Variants in IL13 observed in about 807,000 individuals in gnomAD.
IL13 encodes interleukin-13.
A neutral mutation model predicts 11.1 loss-of-function variants in IL13; 9 were observed. The ratio of observed to expected loss-of-function variants is 0.81; its 90% CI spans 0.49 to 1.42. The LOEUF (loss-of-function observed/expected upper bound fraction) is 1.42. Among genes scored for constraint, IL13 ranks in the 40% most tolerant of loss-of-function variants. The probability of loss-of-function intolerance (pLI) is 0.00; values close to 1 mark genes in which losing one functional copy is unlikely to be tolerated. For synonymous variants in IL13, 75 were observed against 76.9 expected (o/e 0.97, Z 0.13); for missense variants, 181 against 182.5 (o/e 0.99, Z 0.05).
rs770488630 is a variant in IL13 at position 132,658,217 on chromosome 5, G to T, written c.31G>T (p.Ala11Ser). MHPLLNPLLLALGLMALLLTT... is the reference protein window; with the variant it reads MHPLLNPLLLSLGLMALLLTT... ...TCCGCTCCTCAATCCTCTCCTGTTG[G>T]CACTGGGCCTCATGGCGCTTTTGTT... Residue 11 changes from alanine to serine, a missense_variant, in exon 1 of 4, where the codon GCA (alanine) becomes TCA (serine). By Grantham distance (99) the Ala-to-Ser change is moderately conservative. Coordinates refer to ENST00000304506, the MANE Select transcript of IL13 (RefSeq NM_002188.3). 12 of 1,612,144 alleles carry T rather than the reference G, an allele frequency of 7.4e-6. No homozygotes were observed. The East Asian group carries it at 1.6e-4, about 21-fold the overall frequency.
At position 132,659,979 on chromosome 5, in the gene IL13, A is replaced by AG; in HGVS notation, c.333+153dup. 1 of 1,438,802 alleles carries AG rather than the reference A, an allele frequency of 7.0e-7. No individual in the cohort carries two copies. Among genetic ancestry groups the AG allele is most frequent in the South Asian group, 1.4e-5 (1 of 71,720 alleles). The allele number at this position is 1,438,802 out of a possible 1,614,324, so 89.1% of individuals were successfully genotyped here. ...CAGGGACGTGGCCTTCGGGATTTAC[A>AG]GGATCTGGGCTCAAGGGCTCCTAAC... On this transcript the variant is annotated intron_variant, in intron 3 of 3. Coordinates refer to ENST00000304506, the MANE Select transcript of IL13 (RefSeq NM_002188.3). The surrounding 1 kb of genome is among the most constrained non-coding windows in gnomAD (Gnocchi z 4.1).
chr5:132,657,416 C>G (rs564965877), upstream of IL13, among the ~76,000 whole-genome samples: 1 of 152,284 alleles, frequency 6.6e-6, no homozygotes, highest in South Asian at 2.1e-4. Context: ...ACTCTGGAAG[C>G]TGAGGTGGGG....
In IL13 at chr5:132,659,662, G is replaced by A; in HGVS notation, c.229-62G>A. ...CCAGGCATCTCAGCCCCATCTTCCT[G>A]CAGACTCACAAAAGGCAGCTGCCCA... On this transcript the variant is annotated intron_variant, in intron 2 of 3. Transcript: ENST00000304506. The surrounding 1 kb of genome is among the most constrained non-coding windows in gnomAD (Gnocchi z 4.1). The A allele has an allele frequency of 6.2e-7, 1 of 1,601,534 alleles. No homozygotes were observed. The highest frequency in any genetic ancestry group is 2.2e-5 in the East Asian group (1 of 44,578).
Position 132,659,720 on chromosome 5 carries a change from A to T in IL13, c.229-4A>T. ...CCTGACCCCTCGGTGTCCCCTCCCC[A>T]CAGTACTGTGCAGCCCTGGAATCCC... On this transcript the variant is annotated splice_polypyrimidine_tract_variant and splice_region_variant and intron_variant, in intron 2 of 3. Coordinates refer to ENST00000304506, the MANE Select transcript of IL13 (RefSeq NM_002188.3). The surrounding 1 kb of genome is among the most constrained non-coding windows in gnomAD (Gnocchi z 4.1). The T allele has an allele frequency of 6.2e-7, 1 of 1,613,160 alleles. No individual in the cohort carries two copies. Among genetic ancestry groups the T allele is most frequent in the Non-Finnish European group, 8.5e-7 (1 of 1,179,784 alleles).
In IL13 at chr5:132,659,755, T is replaced by G. The variant is rs199513811; in HGVS notation, c.260T>G (p.Val87Gly). 6.6e-5 allele frequency: 107 copies of G among 1,613,792 alleles called. No individual in the cohort carries two copies. The highest frequency in any genetic ancestry group is 8.6e-5 in the Non-Finnish European group (101 of 1,180,018). ...GCAGCCCTGGAATCCCTGATCAACG[T>G]GTCAGGCTGCAGTGCCATCGAGAAG... is the stretch of plus-strand genomic sequence containing the variant. Reference protein sequence around the residue: ...YCAALESLINVSGCSAIEKTQ... With the variant: ...YCAALESLINGSGCSAIEKTQ... The change falls in exon 3 of 4, where the codon GTG becomes GGG. Residue 87 changes from valine to glycine, a missense_variant. Val to Gly is a moderately radical substitution (Grantham distance 109). Coordinates refer to ENST00000304506, the MANE Select transcript of IL13 (RefSeq NM_002188.3). This position sits in a 1 kb window ranked among gnomAD's most constrained non-coding sequence, Gnocchi z 4.1.
Position 132,659,671 on chromosome 5 carries a change from C to T in IL13, c.229-53C>T, listed in dbSNP as rs1752109459. 1 of 1,603,664 alleles carries T rather than the reference C, an allele frequency of 6.2e-7. No homozygotes were observed. The highest frequency in any genetic ancestry group is 8.5e-7 in the Non-Finnish European group (1 of 1,172,676). ...TCAGCCCCATCTTCCTGCAGACTCA[C>T]AAAAGGCAGCTGCCCAAGCAGGGCC... is the stretch of plus-strand genomic sequence containing the variant. On this transcript the variant is annotated intron_variant, in intron 2 of 3. Coordinates refer to ENST00000304506, the MANE Select transcript of IL13 (RefSeq NM_002188.3). This position sits in a 1 kb window ranked among gnomAD's most constrained non-coding sequence, Gnocchi z 4.1.
At chr5:132,658,122 C>A, upstream of IL13, 2 of 820,296 alleles carry the variant, frequency 2.4e-6, no homozygotes, top group South Asian at 1.7e-5. Context: ...ACCATGGTGT[C>A]AGGCGTCACC....
At chr5:132,658,559 G>A in intron 1 of IL13, 199 bp downstream of exon 1, 2 of 492,872 alleles carry the variant, frequency 4.1e-6, no homozygotes, top group South Asian at 7.4e-5. Context: ...ACCTATGGAG[G>A]TGTCTGGCAG....
rs1428482715 is a variant in IL13 at position 132,660,608 on chromosome 5, T to G, written c.*326T>G. The G allele has an allele frequency of 3.9e-6, 1 of 255,090 alleles. No homozygotes were observed. The highest frequency in any genetic ancestry group is 2.2e-5 in the African/African-American group (1 of 45,338). The allele number at this position is 255,090 out of a possible 1,614,324, so 15.8% of individuals were successfully genotyped here. A position where few individuals can be genotyped will look rare whatever the true frequency, so the allele number is the denominator to read the frequency against. Reference sequence around the variant, plus strand: ...GTGGGTGCCCCCCTTGCCAGACATGTGGTGGGACAGGGACCCACTTCACAC... The same window carrying G: ...GTGGGTGCCCCCCTTGCCAGACATGGGGTGGGACAGGGACCCACTTCACAC... On this transcript the variant is annotated 3_prime_UTR_variant, in exon 4 of 4. Coordinates refer to ENST00000304506, the MANE Select transcript of IL13 (RefSeq NM_002188.3).
At chr5:132,657,876 G>A (rs1283875808), upstream of IL13, among the ~76,000 whole-genome samples, 1 of 152,136 alleles carries the variant, frequency 6.6e-6, no homozygotes, top group Non-Finnish European at 1.5e-5. Flanking sequence ...ACTCAGGGTT[G>A]TCACAGGCAA....
upstream of IL13, among the ~76,000 whole-genome samples, chr5:132,657,559 G>A (rs1257835121): frequency 6.6e-6 from 1 of 152,108 alleles, no homozygotes; most frequent in African/African-American, 2.4e-5. Flanking sequence ...GAATCTTTCT[G>A]GATCTCTCAG....
At position 132,659,163 on chromosome 5, in the gene IL13, A is replaced by C. The variant is rs554683418; in HGVS notation, c.175-255A>C. 6.2e-6 allele frequency: 3 copies of C among 481,320 alleles called. No individual in the cohort carries two copies. The South Asian group carries it at 6.7e-5, about 11-fold the overall frequency. The allele number at this position is 481,320 out of a possible 1,614,324, so 29.8% of individuals were successfully genotyped here. ...CTGCCCTGACTATGGCAAGCCTTGC[A>C]TGCAGCTTGTCCCTTACTAGTGGTG... On this transcript the variant is annotated intron_variant, in intron 1 of 3. Transcript: ENST00000304506. The surrounding 1 kb of genome is among the most constrained non-coding windows in gnomAD (Gnocchi z 4.1).
chr5:132,660,330 G>C lies in IL13; in HGVS notation c.*48G>C. The stretch of plus-strand genomic sequence containing the variant: ...GCAGAGACAGGACCTGACTATTGAA[G>C]TTGCAGATTCATTTTTCTTTCTGAT... On this transcript the variant is annotated 3_prime_UTR_variant, in exon 4 of 4. Coordinates refer to ENST00000304506, the MANE Select transcript of IL13 (RefSeq NM_002188.3). The C allele has an allele frequency of 6.3e-7, 1 of 1,596,264 alleles. No individual in the cohort carries two copies. The highest frequency in any genetic ancestry group is 1.1e-5 in the South Asian group (1 of 88,908).
rs762414781 is a variant in IL13 at position 132,660,186 on chromosome 5, C to G, written c.345C>G (p.Ser115Arg). The G allele has an allele frequency of 6.2e-7, 1 of 1,614,010 alleles. No individual in the cohort carries two copies. Among genetic ancestry groups the G allele is most frequent in the East Asian group, 2.2e-5 (1 of 44,898 alleles). ...PHKVSAGQFSSLHVRDTKIEV... is the reference protein window; with the variant it reads ...PHKVSAGQFSRLHVRDTKIEV... ...TCTTTGTCCTGCAGCAGTTTTCCAG[C>G]TTGCATGTCCGAGACACCAAAATCG... is the stretch of plus-strand genomic sequence containing the variant. Residue 115 changes from serine to arginine, a missense_variant, in exon 4 of 4, where the codon AGC becomes AGG. Coordinates refer to ENST00000304506, the MANE Select transcript of IL13 (RefSeq NM_002188.3).
In IL13 at chr5:132,660,654, G is replaced by T. The variant is rs1752138312; in HGVS notation, c.*372G>T. The T allele has an allele frequency of 4.8e-6, 1 of 207,130 alleles. No homozygotes were observed. Among genetic ancestry groups the T allele is most frequent in the African/African-American group, 2.3e-5 (1 of 43,470 alleles). 12.8% of individuals were successfully genotyped at this position (207,130 alleles called of 1,614,324 possible). ...CACACACAGGCAACTGAGGCAGACA[G>T]CAGCTCAGGCACACTTCTTCTTGGT... On this transcript the variant is annotated 3_prime_UTR_variant, in exon 4 of 4. Transcript: ENST00000304506.
rs1371499723 is a variant in IL13 at position 132,659,310 on chromosome 5, C to A, written c.175-108C>A. The A allele has an allele frequency of 3.8e-6, 3 of 793,052 alleles. No homozygotes were observed. The highest frequency in any genetic ancestry group is 6.6e-6 in the Non-Finnish European group (3 of 457,094). 49.1% of individuals were successfully genotyped at this position (793,052 alleles called of 1,614,324 possible). On this transcript the variant is annotated intron_variant, in intron 1 of 3. Coordinates refer to ENST00000304506, the MANE Select transcript of IL13 (RefSeq NM_002188.3). This position sits in a 1 kb window ranked among gnomAD's most constrained non-coding sequence, Gnocchi z 4.1. ...GGCTGCCAGGCCTGCCTCTGTGCCA[C>A]ACCAGGGATGCTTGTGGGGCCTGTG... is the stretch of plus-strand genomic sequence containing the variant.
chr5:132,660,051 C>G (rs1475063522), intron 3 of IL13, 124 bp from the exon 4 acceptor site: 1 of 1,200,258 alleles, frequency 8.3e-7, no homozygotes, highest in Non-Finnish European at 1.2e-6. Context: ...GAGGTACTAA[C>G]AGTACCCACC....
rs1043320298 is a variant in IL13 at position 132,660,549 on chromosome 5, C to G, written c.*267C>G. 7.1e-6 allele frequency: 3 copies of G among 425,034 alleles called. No individual in the cohort carries two copies. The highest frequency in any genetic ancestry group is 4.0e-5 in the African/African-American group (2 of 49,584). 26.3% of individuals were successfully genotyped at this position (425,034 alleles called of 1,614,324 possible). On this transcript the variant is annotated 3_prime_UTR_variant, in exon 4 of 4. Coordinates refer to ENST00000304506, the MANE Select transcript of IL13 (RefSeq NM_002188.3). ...CCCAGGGATGACATGTCCCTACACC[C>G]CTCCCCTGCCCTAGAGCACACTGTA...
Position 132,659,965 on chromosome 5 carries a change from C to G in IL13, c.333+137C>G. 6.9e-7 allele frequency: 1 copy of G among 1,455,512 alleles called. No individual in the cohort carries two copies. Among genetic ancestry groups the G allele is most frequent in the Non-Finnish European group, 9.1e-7 (1 of 1,096,806 alleles). 90.2% of individuals were successfully genotyped at this position (1,455,512 alleles called of 1,614,324 possible). A position where few individuals can be genotyped will look rare whatever the true frequency, so the allele number is the denominator to read the frequency against. On this transcript the variant is annotated intron_variant, in intron 3 of 3. Coordinates refer to ENST00000304506, the MANE Select transcript of IL13 (RefSeq NM_002188.3). This position sits in a 1 kb window ranked among gnomAD's most constrained non-coding sequence, Gnocchi z 4.1. ...GGCCATTGTGGCAGCAGGGACGTGGCCTTCGGGATTTACAGGATCTGGGCT... is the reference window on the plus strand; with the variant it reads ...GGCCATTGTGGCAGCAGGGACGTGGGCTTCGGGATTTACAGGATCTGGGCT...
Sources: gnomAD v4.1 joint callset for allele counts (sites outside exome capture counted in the v4.1 genomes callset) on GRCh38, gnomAD v4.1.1 for gene constraint, Gnocchi (gnomAD v3.1) non-coding constraint, MANE v1.5 for transcripts, NCBI Gene and HGNC (gene_info 2026-07-23, HGNC 2026-07-21) for gene names.